GNS: variants seen among roughly 807,000 people sequenced by gnomAD.
The protein encoded by GNS is N-acetylglucosamine-6-sulfatase.
Under a neutral mutation model 69.7 loss-of-function variants are expected in GNS, and 40 were observed. That is an observed-to-expected ratio of 0.57 (90% CI 0.45 to 0.75). GNS has a LOEUF of 0.75. Among genes scored for constraint, GNS ranks in the 30% least tolerant of loss-of-function variants. The probability of loss-of-function intolerance (pLI) is 0.00; values close to 1 mark genes in which losing one functional copy is unlikely to be tolerated. For synonymous variants in GNS, 243 were observed against 251.6 expected (o/e 0.97, Z 0.32); for missense variants, 565 against 685.5 (o/e 0.82, Z 1.96).
chr12:64,740,778 T>C (rs1869706684), intron 6 of GNS, 90 bp from the exon 7 acceptor site: 1 of 740,078 alleles, frequency 1.4e-6, no homozygotes, highest in South Asian at 1.4e-5. Context: ...AATAGAACCG[T>C]TTCACTCATA....
At chr12:64,743,109 T>C in intron 6 of GNS, 32 bp downstream of exon 6, 1 of 1,525,404 alleles carries the variant, frequency 6.6e-7, no homozygotes, top group Non-Finnish European at 9.1e-7. Context: ...TGATACTTAG[T>C]ATGGCTGAAT....
At chr12:64,742,189 T>G (rs1414333696) in intron 6 of GNS, among the ~76,000 whole-genome samples, 4 of 151,958 alleles carry the variant, frequency 2.6e-5, no homozygotes, top group African/African-American at 9.7e-5. Flanking sequence ...CCCGGCTAAT[T>G]TTTTGTACTT....
chr12:64,729,145 G>A (rs780227654), intron 9 of GNS, 88 bp from the exon 10 acceptor site: 21 of 759,758 alleles, frequency 2.8e-5, no homozygotes, highest in Middle Eastern at 4.9e-4. Flanking sequence ...CCCCCACCCC[G>A]CCCATGAGAC....
intron 1 of GNS, 103 bp from the exon 2 acceptor site, chr12:64,752,860 CA>C (rs1443595643): frequency 2.7e-6 from 2 of 728,690 alleles, no homozygotes; most frequent in Non-Finnish European, 5.0e-6. Flanking sequence ...CTTTTATTCC[CA>C]AATGGTCAGC....
At chr12:64,725,282 A>C (rs1050050755) in intron 10 of GNS, among the ~76,000 whole-genome samples, 4 of 152,218 alleles carry the variant, frequency 2.6e-5, no homozygotes, top group Non-Finnish European at 4.4e-5. Context: ...CTCAGGTAGC[A>C]GGGAAGCAGC....
In GNS at chr12:64,721,144, C is replaced by T. The variant is rs373520590; in HGVS notation, c.1419+451G>A. The stretch of plus-strand genomic sequence containing the variant: ...GATCCTTCAGATAATCCATACCAAC[C>T]TGTGTTGGCCAAAAACCACCTTCTT... On this transcript the variant is annotated intron_variant, in intron 12 of 13. Coordinates refer to ENST00000258145, the MANE Select transcript of GNS (RefSeq NM_002076.4). 2.5e-4 allele frequency among the ~76,000 whole-genome samples: 38 copies of T among 152,326 alleles called. No individual in the cohort carries two copies. In the Middle Eastern group the frequency reaches 0.017, roughly 68 times the overall value.
intron 1 of GNS, among the ~76,000 whole-genome samples, chr12:64,755,577 C>CAA (rs1287284127): frequency 2.0e-5 from 2 of 99,798 alleles, no homozygotes; most frequent in African/African-American, 3.5e-5. Context: ...GACTCCAACT[C>CAA]AAAAAAAAAA....
chr12:64,743,718 C>T (rs1288752463), intron 5 of GNS, among the ~76,000 whole-genome samples: 1 of 152,120 alleles, frequency 6.6e-6, no homozygotes, highest in Non-Finnish European at 1.5e-5. Context: ...GTTACCTTAA[C>T]CTTATGAAAA....
chr12:64,724,927 T>G (rs752306641), intron 10 of GNS, among the ~76,000 whole-genome samples: 3 of 152,108 alleles, frequency 2.0e-5, no homozygotes, highest in Non-Finnish European at 4.4e-5. Flanking sequence ...GAAGGTGGAA[T>G]TGAGTGAACT....
chr12:64,725,273 T>G (rs190096293), intron 10 of GNS, among the ~76,000 whole-genome samples: 6 of 152,296 alleles, frequency 3.9e-5, no homozygotes, highest in African/African-American at 1.4e-4. Flanking sequence ...TCACATCTAC[T>G]CAGGTAGCAG....
At chr12:64,736,874 AC>A in intron 9 of GNS, 129 bp downstream of exon 9, 1 of 672,262 alleles carries the variant, frequency 1.5e-6, no homozygotes, top group Non-Finnish European at 2.7e-6. Flanking sequence ...CATTGTTTCC[AC>A]TTAAAAACTC....
intron 2 of GNS, among the ~76,000 whole-genome samples, chr12:64,752,266 T>C (rs368177866): frequency 1.3e-5 from 2 of 152,198 alleles, no homozygotes; most frequent in African/African-American, 4.8e-5. Flanking sequence ...TACCATTCAC[T>C]TGGTTATGTA....
At chr12:64,737,731 C>A (rs1009081251) in intron 8 of GNS, among the ~76,000 whole-genome samples, 2 of 152,202 alleles carry the variant, frequency 1.3e-5, no homozygotes, top group African/African-American at 4.8e-5. Flanking sequence ...CCAGATGCCA[C>A]GGGCCTCATG....
At position 64,724,023 on chromosome 12, in the gene GNS, A is replaced by G. The variant is rs367995578; in HGVS notation, c.1201-910T>C. Among the ~76,000 whole-genome samples the G allele has an allele frequency of 4.6e-5, 7 of 152,340 alleles. No homozygotes were observed. The South Asian group carries it at 1.2e-3, about 27-fold the overall frequency. ...TCTAGAGACAGAAACTGCAGTATTC[A>G]TAACAGTCAAAAAGTGGAAAGACAG... On this transcript the variant is annotated intron_variant, in intron 10 of 13. Transcript: ENST00000258145.
chr12:64,752,781 TTAAACAATTTCTTCCAA>T, intron 1 of GNS, 24 bp from the exon 2 acceptor site: 1 of 1,183,982 alleles, frequency 8.4e-7, no homozygotes, highest in Non-Finnish European at 1.3e-6. Flanking sequence ...TAATTATCCA[TTAAACAATTTCTTCCAA>T]TAAATTGAGA....
chr12:64,727,881 C>G (rs12314781), intron 10 of GNS, among the ~76,000 whole-genome samples: 1 of 152,102 alleles, frequency 6.6e-6, no homozygotes, highest in Non-Finnish European at 1.5e-5. Flanking sequence ...TTGTACCACT[C>G]TGAATACACC....
intron 5 of GNS, among the ~76,000 whole-genome samples, chr12:64,743,867 A>T (rs1869820491): frequency 6.6e-6 from 1 of 152,242 alleles, no homozygotes; most frequent in Non-Finnish European, 1.5e-5. Context: ...TATGAAAATG[A>T]AAGCATGCTA....
At chr12:64,741,478 G>A (rs974003656) in intron 6 of GNS, among the ~76,000 whole-genome samples, 1 of 151,908 alleles carries the variant, frequency 6.6e-6, no homozygotes, top group Non-Finnish European at 1.5e-5. Context: ...TAGAGATGGG[G>A]TTTCATCATG....
At chr12:64,750,928 A>C (rs1364818367) in intron 2 of GNS, among the ~76,000 whole-genome samples, 2 of 152,216 alleles carry the variant, frequency 1.3e-5, no homozygotes, top group African/African-American at 2.4e-5. Context: ...AAAGAAAGAA[A>C]TGTATATAAA....
Sources: gnomAD v4.1 joint callset for allele counts (sites outside exome capture counted in the v4.1 genomes callset) on GRCh38, gnomAD v4.1.1 for gene constraint, MANE v1.5 for transcripts, NCBI Gene and HGNC (gene_info 2026-07-23, HGNC 2026-07-21) for gene names.